The following KATNIP variants were observed in gnomAD, a reference collection of about 807,000 sequenced individuals.
The protein encoded by KATNIP is katanin-interacting protein.
KATNIP carries 126 observed loss-of-function variants against 174.0 expected under a neutral mutation model. That is an observed-to-expected ratio of 0.72 (90% CI 0.63 to 0.84). The LOEUF is 0.84. Among genes scored for constraint, KATNIP ranks in the 40% least tolerant of loss-of-function variants. The pLI, the probability that KATNIP is intolerant of heterozygous loss-of-function variation, is 0.00. For missense variants in KATNIP, 1,958 were observed against 2,109.7 expected (o/e 0.93, Z 1.41); for synonymous variants, 810 against 835.7 (o/e 0.97, Z 0.53).
At chr16:27,739,495 G>A (rs1360985331) in intron 14 of KATNIP, among the ~76,000 whole-genome samples, 2 of 152,112 alleles carry the variant, frequency 1.3e-5, no homozygotes, top group Non-Finnish European at 2.9e-5. Context: ...ACTTGCACCC[G>A]AGTCCTTGTC....
At position 27,578,558 on chromosome 16, in the gene KATNIP, G is replaced by A. The variant is rs75757133; in HGVS notation, c.63+4602G>A. On this transcript the variant is annotated intron_variant, in intron 2 of 27. Transcript: ENST00000261588. Reference sequence around the variant, plus strand: ...ACTTCCTGGGAGAGGTGGCCTGAACGGAGGCATTGGAAAGGTTACGGTCAT... The same window carrying A: ...ACTTCCTGGGAGAGGTGGCCTGAACAGAGGCATTGGAAAGGTTACGGTCAT... Among the ~76,000 whole-genome samples the A allele has an allele frequency of 7.7e-3, 1,170 of 152,082 alleles. 25 individuals are homozygous for A. Among genetic ancestry groups the A allele is most frequent in the African/African-American group, 0.026 (1,092 of 41,480 alleles).
At chr16:27,565,841 T>G (rs969310602) in intron 1 of KATNIP, among the ~76,000 whole-genome samples, 4 of 150,876 alleles carry the variant, frequency 2.7e-5, no homozygotes, top group Admixed American at 2.6e-4. Flanking sequence ...AAGTGGGAGA[T>G]CTGTCTGCCT....
chr16:27,598,208 C>G (rs2075399991), intron 2 of KATNIP, among the ~76,000 whole-genome samples: 1 of 150,040 alleles, frequency 6.7e-6, no homozygotes, highest in South Asian at 2.1e-4. Flanking sequence ...GCCACCATTG[C>G]ACTGCAGCCT....
intron 6 of KATNIP, among the ~76,000 whole-genome samples, chr16:27,658,233 A>G (rs2142440964): frequency 6.6e-6 from 1 of 152,346 alleles, no homozygotes; most frequent in African/African-American, 2.4e-5. Context: ...CCATAGTTAT[A>G]AGGAAAAGAT....
In KATNIP at chr16:27,777,767, T is replaced by C. The variant is rs1346277832; in HGVS notation, c.4709T>C (p.Ile1570Thr). The C allele has an allele frequency of 6.2e-7, 1 of 1,613,476 alleles. No homozygotes were observed. Among genetic ancestry groups the C allele is most frequent in the Admixed American group, 1.7e-5 (1 of 59,968 alleles). ...CGCCACCAGGAGAAACACACCACCA[T>C]CAGGTAGGGCCCCAGCCGGCCCCAT... Reference protein sequence around the residue: ...DIRHQEKHTTISNQAEDQDVQ... With the variant: ...DIRHQEKHTTTSNQAEDQDVQ... The change falls in exon 26 of 28, where the codon ATC (isoleucine) becomes ACC (threonine). Residue 1570 changes from isoleucine to threonine, a missense_variant. By Grantham distance (89) the Ile-to-Thr change is moderately conservative. Coordinates refer to ENST00000261588, the MANE Select transcript of KATNIP (RefSeq NM_015202.5). This position sits in a 1 kb window ranked among gnomAD's most constrained non-coding sequence, Gnocchi z 4.4.
intron 14 of KATNIP, among the ~76,000 whole-genome samples, chr16:27,723,929 G>A (rs115163837): frequency 0.012 from 1,887 of 152,308 alleles, 51 homozygotes; most frequent in African/African-American, 0.043. Context: ...GAGGCACCTC[G>A]AGTCAGGAAA....
intron 6 of KATNIP, among the ~76,000 whole-genome samples, chr16:27,654,058 C>T (rs1321629281): frequency 6.6e-6 from 1 of 152,196 alleles, no homozygotes. Flanking sequence ...TCACTGCAAC[C>T]TCTGCCTCCT....
intron 7 of KATNIP, among the ~76,000 whole-genome samples, chr16:27,678,464 C>T (rs549205608): frequency 3.9e-5 from 6 of 152,218 alleles, no homozygotes; most frequent in South Asian, 2.1e-4. Context: ...CTTCTCCCAT[C>T]TCCCTCTCCC....
intron 2 of KATNIP, among the ~76,000 whole-genome samples, chr16:27,576,945 C>G (rs948597100): frequency 1.3e-5 from 2 of 152,040 alleles, no homozygotes; most frequent in Non-Finnish European, 2.9e-5. Context: ...GGTGGTGTGG[C>G]CAGTGCACTC....
At chr16:27,664,570 C>T (rs2077622576) in intron 6 of KATNIP, among the ~76,000 whole-genome samples, 1 of 152,148 alleles carries the variant, frequency 6.6e-6, no homozygotes, top group Non-Finnish European at 1.5e-5. Flanking sequence ...TAATAAGCTT[C>T]CCTGGAAACT....
intron 17 of KATNIP, 31 bp downstream of exon 17, chr16:27,751,955 AC>A (rs773545393): frequency 6.4e-6 from 10 of 1,552,080 alleles, no homozygotes; most frequent in Non-Finnish European, 8.7e-6. Context: ...CTGTGGGGGG[AC>A]CCCCAGATAG....
At chr16:27,581,542 G>A (rs1188698407) in intron 2 of KATNIP, among the ~76,000 whole-genome samples, 1 of 152,138 alleles carries the variant, frequency 6.6e-6, no homozygotes, top group Non-Finnish European at 1.5e-5. Context: ...GGGGGTGAGA[G>A]GAGGGACGTT....
At chr16:27,673,193 G>A (rs2077982672) in intron 6 of KATNIP, among the ~76,000 whole-genome samples, 1 of 152,148 alleles carries the variant, frequency 6.6e-6, no homozygotes, top group Non-Finnish European at 1.5e-5. Context: ...TTATCCCAGG[G>A]TTTTACTCTA....
At chr16:27,765,012 T>C (rs1006068378) in intron 19 of KATNIP, among the ~76,000 whole-genome samples, 1 of 152,122 alleles carries the variant, frequency 6.6e-6, no homozygotes, top group Non-Finnish European at 1.5e-5. Flanking sequence ...AACTTTAAAA[T>C]GTAAAAGGAA....
chr16:27,601,390 C>CT (rs2075519468), intron 2 of KATNIP, among the ~76,000 whole-genome samples: 1 of 152,072 alleles, frequency 6.6e-6, no homozygotes, highest in African/African-American at 2.4e-5. Flanking sequence ...GGGGATGCTG[C>CT]TAAACAAGCT....
intron 6 of KATNIP, among the ~76,000 whole-genome samples, chr16:27,658,852 T>G (rs913784835): frequency 6.6e-6 from 1 of 152,156 alleles, no homozygotes; most frequent in Non-Finnish European, 1.5e-5. Context: ...GACCTCTGCC[T>G]TCCGGGTTCA....
chr16:27,589,278 G>C (rs1451550982), intron 2 of KATNIP, among the ~76,000 whole-genome samples: 1 of 152,102 alleles, frequency 6.6e-6, no homozygotes, highest in Non-Finnish European at 1.5e-5. Context: ...ACTAATAATG[G>C]TCTAAACCAG....
At chr16:27,689,512 C>G (rs898034178) in intron 8 of KATNIP, among the ~76,000 whole-genome samples, 6 of 152,106 alleles carry the variant, frequency 3.9e-5, no homozygotes, top group Admixed American at 6.5e-5. Flanking sequence ...GTCATTTAGT[C>G]TGGGGGCCTT....
intron 5 of KATNIP, among the ~76,000 whole-genome samples, chr16:27,632,866 T>G (rs924621223): frequency 1.3e-5 from 2 of 152,116 alleles, no homozygotes; most frequent in Non-Finnish European, 2.9e-5. Context: ...TTTTCCTGCC[T>G]CAGCCTCCCA....
Sources: gnomAD v4.1 joint callset for allele counts (sites outside exome capture counted in the v4.1 genomes callset) on GRCh38, gnomAD v4.1.1 for gene constraint, Gnocchi (gnomAD v3.1) non-coding constraint, MANE v1.5 for transcripts, NCBI Gene and HGNC (gene_info 2026-07-23, HGNC 2026-07-21) for gene names.